PDE8A: variants seen among roughly 807,000 people sequenced by gnomAD.
The protein encoded by PDE8A is high affinity cAMP-specific and IBMX-insensitive 3',5'-cyclic phosphodiesterase 8A.
PDE8A carries 59 observed loss-of-function variants against 105.0 expected under a neutral mutation model. The ratio of observed to expected loss-of-function variants is 0.56; its 90% CI spans 0.46 to 0.70. The LOEUF (loss-of-function observed/expected upper bound fraction) is 0.70, where lower values mean the gene tolerates loss of function less well. Ranked by LOEUF, PDE8A falls within the 30% of genes least tolerant of loss-of-function variation. PDE8A has a pLI of 0.00. For missense variants in PDE8A, 1,014 were observed against 1,045.9 expected, an observed-to-expected ratio of 0.97 and a Z score of 0.42; for synonymous variants, 355 against 371.9, an observed-to-expected ratio of 0.95 and a Z score of 0.52.
chr15:85,098,078 T>C (rs762183734), intron 9 of PDE8A, 42 bp downstream of exon 9: 1 of 1,156,464 alleles, frequency 8.6e-7, no homozygotes, highest in Non-Finnish European at 1.3e-6. Context: ...ATACAGTGTT[T>C]TGGGTTATTG....
chr15:85,004,317 G>A (rs1486887971), intron 1 of PDE8A, among the ~76,000 whole-genome samples: 1 of 152,174 alleles, frequency 6.6e-6, no homozygotes, highest in African/African-American at 2.4e-5. Flanking sequence ...CCCAAGCTGA[G>A]CAGGACATGG....
At position 85,067,263 on chromosome 15, in the gene PDE8A, C is replaced by T. The variant is rs1012711734; in HGVS notation, c.434+59C>T. ...TGGCCTTTCTGACAATACATGCAGC[C>T]TAGAAATAGATTAAATTAGACTCAC... On this transcript the variant is annotated intron_variant, in intron 3 of 21. Coordinates refer to ENST00000394553, the MANE Select transcript of PDE8A (RefSeq NM_002605.3). The T allele has an allele frequency of 4.1e-6, 5 of 1,213,556 alleles. No homozygotes were observed. In the African/African-American group the frequency reaches 6.1e-5, roughly 15 times the overall value. 75.2% of individuals were successfully genotyped at this position (1,213,556 alleles called of 1,614,324 possible).
chr15:85,028,132 G>A (rs1045750138), intron 1 of PDE8A, among the ~76,000 whole-genome samples: 1 of 152,120 alleles, frequency 6.6e-6, no homozygotes, highest in Non-Finnish European at 1.5e-5. Context: ...GAATATATAT[G>A]TACATGGTAC....
At chr15:85,090,635 G>A (rs2081626003) in intron 7 of PDE8A, 1 of 328,126 alleles carries the variant, frequency 3.0e-6, no homozygotes, top group Non-Finnish European at 6.4e-6. Flanking sequence ...TCAATGTGTG[G>A]AGGGGGAGGA....
At chr15:85,135,431 A>G (rs1035864755) in intron 20 of PDE8A, among the ~76,000 whole-genome samples, 1 of 151,904 alleles carries the variant, frequency 6.6e-6, no homozygotes, top group Non-Finnish European at 1.5e-5. Context: ...CTAGTGTTCA[A>G]TACAACAGCC....
intron 12 of PDE8A, among the ~76,000 whole-genome samples, chr15:85,113,120 G>GT (rs1384963311): frequency 6.6e-6 from 1 of 152,194 alleles, no homozygotes; most frequent in African/African-American, 2.4e-5. Flanking sequence ...TTGCTAGATT[G>GT]TTTCCTCTGT....
chr15:85,130,919 C>G (rs1287483423), intron 20 of PDE8A, among the ~76,000 whole-genome samples: 3 of 152,104 alleles, frequency 2.0e-5, no homozygotes, highest in Non-Finnish European at 1.5e-5. Context: ...ACCACCATGC[C>G]TGGCTAATTT....
rs777951098 is a variant in PDE8A, at chr15:85,089,433, A to G, written c.714+17A>G. 1.4e-6 allele frequency: 2 copies of G among 1,420,616 alleles called. No homozygotes were observed. Among genetic ancestry groups the G allele is most frequent in the Admixed American group, 1.8e-5 (1 of 56,050 alleles). 88.0% of individuals were successfully genotyped at this position (1,420,616 alleles called of 1,614,324 possible). On this transcript the variant is annotated intron_variant, in intron 7 of 21. Coordinates refer to ENST00000394553, the MANE Select transcript of PDE8A (RefSeq NM_002605.3). Reference sequence around the variant, plus strand: ...TTTATACAGGTTTGTTATTTTGGAAATCTGTCTTTCTGGATTTCTTGTTTT... The same window carrying G: ...TTTATACAGGTTTGTTATTTTGGAAGTCTGTCTTTCTGGATTTCTTGTTTT...
chr15:85,091,013 A>G (rs2081633716), intron 7 of PDE8A, 31 bp from the exon 8 acceptor site: 2 of 1,582,138 alleles, frequency 1.3e-6, no homozygotes, highest in Admixed American at 1.8e-5. Flanking sequence ...CTTTTAATTC[A>G]CTTTATGTTT....
intron 5 of PDE8A, among the ~76,000 whole-genome samples, chr15:85,079,919 A>G (rs555838428): frequency 6.6e-6 from 1 of 152,344 alleles, no homozygotes; most frequent in African/African-American, 2.4e-5. Context: ...ATCTCAAAAA[A>G]AAAAAGAAAG....
chr15:84,995,247 A>T (rs1373278649), intron 1 of PDE8A, among the ~76,000 whole-genome samples: 1 of 151,244 alleles, frequency 6.6e-6, no homozygotes, highest in Non-Finnish European at 1.5e-5. Context: ...CACCCTTCTG[A>T]TTTTTTTCTT....
chr15:85,109,668 C>A (rs547840459), intron 12 of PDE8A, among the ~76,000 whole-genome samples: 1 of 152,188 alleles, frequency 6.6e-6, no homozygotes, highest in Non-Finnish European at 1.5e-5. Context: ...TTGCTGCTAG[C>A]TGTATACATT....
intron 11 of PDE8A, among the ~76,000 whole-genome samples, chr15:85,102,368 G>A (rs1442515034): frequency 1.3e-5 from 2 of 152,312 alleles, no homozygotes; most frequent in South Asian, 2.1e-4. Context: ...AAGAGCTCGT[G>A]TGTGACCTGC....
chr15:85,030,348 C>CCA (rs1182877944), intron 1 of PDE8A, among the ~76,000 whole-genome samples: 1 of 151,932 alleles, frequency 6.6e-6, no homozygotes, highest in Admixed American at 6.6e-5. Context: ...GATCTCCTAG[C>CCA]CACAGCCTCT....
At position 85,128,052 on chromosome 15, in the gene PDE8A, CAAAA is replaced by C. The variant is rs61221393; in HGVS notation, c.2253+1696_2253+1699del. 1.9e-4 allele frequency among the ~76,000 whole-genome samples: 11 copies of C among 57,236 alleles called. No homozygotes were observed. The East Asian group carries it at 4.9e-3, about 25-fold the overall frequency. The allele number at this position is 57,236 out of a possible 152,430, so 37.5% of individuals were successfully genotyped here. A position where few individuals can be genotyped will look rare whatever the true frequency, so the allele number is the denominator to read the frequency against. ...GTTAGGATAATTGGATATTCCTATG[CAAAA>C]AAAAAAAAAAAAAAAAAGAACCACA... is the stretch of plus-strand genomic sequence containing the variant. On this transcript the variant is annotated intron_variant, in intron 20 of 21. Transcript: ENST00000394553.
chr15:85,009,343 A>G (rs1226477920), intron 1 of PDE8A, among the ~76,000 whole-genome samples: 1 of 152,200 alleles, frequency 6.6e-6, no homozygotes, highest in Non-Finnish European at 1.5e-5. Context: ...TTTGGACTGT[A>G]GGTAATACAG....
At chr15:85,035,858 C>G (rs902773854) in intron 1 of PDE8A, among the ~76,000 whole-genome samples, 7 of 152,202 alleles carry the variant, frequency 4.6e-5, no homozygotes, top group African/African-American at 1.7e-4. Context: ...GTTTCACCCT[C>G]AGAACCAAAG....
chr15:84,996,851 G>T (rs1002501202), intron 1 of PDE8A, among the ~76,000 whole-genome samples: 596 of 53,432 alleles, frequency 0.011, 8 homozygotes, highest in African/African-American at 0.035. Flanking sequence ...AAAAAAAAAA[G>T]GTGGTACACT....
intron 9 of PDE8A, among the ~76,000 whole-genome samples, chr15:85,098,517 C>G (rs1207088492): frequency 6.6e-6 from 1 of 152,048 alleles, no homozygotes; most frequent in Non-Finnish European, 1.5e-5. Flanking sequence ...CTAAAACTTT[C>G]AGACAGTTTA....
Sources: allele counts gnomAD v4.1 joint callset (sites outside exome capture counted in the v4.1 genomes callset), GRCh38; gene constraint gnomAD v4.1.1; transcripts MANE v1.5; gene names NCBI Gene and HGNC (gene_info 2026-07-23, HGNC 2026-07-21).